IKZF4: variants seen among roughly 807,000 people sequenced by gnomAD.
IKZF4 encodes IKAROS family zinc finger 4.
Under a neutral mutation model 47.7 loss-of-function variants are expected in IKZF4, and 11 were observed. That is an observed-to-expected ratio of 0.23 (90% CI 0.15 to 0.38). The LOEUF is 0.38. Ranked by LOEUF, IKZF4 falls within the 10% of genes least tolerant of loss-of-function variation. IKZF4 has a pLI of 1.00. For missense variants in IKZF4, 557 were observed against 784.9 expected (o/e 0.71, Z 3.47); for synonymous variants, 298 against 299.4 (o/e 1.00, Z 0.05).
At chr12:56,026,733 G>A in intron 3 of IKZF4, 48 bp from the exon 4 acceptor site, 5 of 1,396,934 alleles carry the variant, frequency 3.6e-6, no homozygotes, top group Non-Finnish European at 4.7e-6. Context: ...CCTGGGAGCA[G>A]CTTCCCCCTT....
intron 1 of IKZF4, 107 bp downstream of exon 1, chr12:56,021,687 G>GGTGTGT (rs1893011022): frequency 2.0e-6 from 2 of 1,005,904 alleles, no homozygotes; most frequent in East Asian, 2.8e-5. Context: ...GAGGATGGGG[G>GGTGTGT]CTGTGTGTGT....
chr12:56,023,833 C>T, intron 2 of IKZF4, 69 bp downstream of exon 2: 2 of 1,560,990 alleles, frequency 1.3e-6, no homozygotes, highest in Non-Finnish European at 8.7e-7. Context: ...GAATTTTAGG[C>T]TTCCTCTCTC....
chr12:56,026,952 G>A lies in IKZF4; in HGVS notation c.458G>A (p.Arg153Gln), dbSNP rs1894120930. The A allele has an allele frequency of 2.5e-6, 4 of 1,611,548 alleles. No homozygotes were observed. Among genetic ancestry groups the A allele is most frequent in the Non-Finnish European group, 3.4e-6 (4 of 1,178,758 alleles). The change falls in exon 4 of 8, where the codon CGG becomes CAG. Residue 153 changes from arginine to glutamine, a missense_variant. Coordinates refer to ENST00000547167, the MANE Select transcript of IKZF4 (RefSeq NM_022465.4). The part of the protein sequence containing the change: ...GPEPHSPGGI[R>Q]LPNGKLKCDV... ...GAGCCTCACTCCCCTGGGGGCATCCGGCTGCCCAATGGCAAGCTCAAGTGT... is the reference window on the plus strand; with the variant it reads ...GAGCCTCACTCCCCTGGGGGCATCCAGCTGCCCAATGGCAAGCTCAAGTGT...
chr12:56,007,733 A>G (rs1444375009), exon 1 of IKZF4: 1 of 146,538 alleles, frequency 6.8e-6, no homozygotes, highest in African/African-American at 2.5e-5. Flanking sequence ...GAGACACCTC[A>G]GGTGAGTGAG....
chr12:56,021,504 C>T lies in IKZF4; in HGVS notation c.11C>T (p.Pro4Leu), dbSNP rs753270648. MHT[P>L]PALPRRFQGG... Reference sequence around the variant, plus strand: ...CACTGAGACGCAGACATGCATACACCACCCGCACTCCCTCGCCGTTTCCAA... The same window carrying T: ...CACTGAGACGCAGACATGCATACACTACCCGCACTCCCTCGCCGTTTCCAA... The change falls in exon 1 of 8, where the codon CCA becomes CTA. Residue 4 changes from proline to leucine, a missense_variant. Pro to Leu is a moderately conservative substitution (Grantham distance 98). This residue lies in a region of IKZF4 where 44 missense variants were observed against 39.7 expected (regional missense o/e 1.11). Coordinates refer to ENST00000547167, the MANE Select transcript of IKZF4 (RefSeq NM_022465.4). 9 of 1,603,840 alleles carry T rather than the reference C, an allele frequency of 5.6e-6. No homozygotes were observed. The highest frequency in any genetic ancestry group is 7.7e-6 in the Non-Finnish European group (9 of 1,176,100).
At chr12:56,009,938 G>A (rs900738987) in intron 1 of IKZF4, among the ~76,000 whole-genome samples, 2 of 152,124 alleles carry the variant, frequency 1.3e-5, no homozygotes, top group African/African-American at 4.8e-5. Flanking sequence ...CCCAGCATGG[G>A]AGAAACTTAT....
At chr12:56,026,109 T>C (rs1318119231) in intron 3 of IKZF4, among the ~76,000 whole-genome samples, 1 of 152,096 alleles carries the variant, frequency 6.6e-6, no homozygotes, top group Non-Finnish European at 1.5e-5. Flanking sequence ...CTAATTTTTG[T>C]ATTTTTAGTA....
chr12:56,025,011 C>T (rs1243601664), intron 2 of IKZF4, 43 bp from the exon 3 acceptor site: 1 of 1,554,138 alleles, frequency 6.4e-7, no homozygotes, highest in African/African-American at 1.4e-5. Context: ...CAGTAGATAT[C>T]TCCAGCTCCA....
rs527627081 is a variant in IKZF4, at chr12:56,010,371, C to G, written c.-291-1046C>G. On this transcript the variant is annotated intron_variant, in intron 1 of 11. Transcript: ENST00000262032. ...CTGGTCCAGCTGCGGGGAGGATCCA[C>G]ATTGTAGGCTCTGATGCAATACCTA... is the stretch of plus-strand genomic sequence containing the variant. 2.0e-5 allele frequency: 3 copies of G among 152,254 alleles called. No homozygotes were observed. The East Asian group carries it at 5.8e-4, about 29-fold the overall frequency. The allele number at this position is 152,254 out of a possible 1,614,324, so 9.4% of individuals were successfully genotyped here.
At chr12:56,031,502 C>T (rs1894913172) in intron 5 of IKZF4, among the ~76,000 whole-genome samples, 1 of 152,116 alleles carries the variant, frequency 6.6e-6, no homozygotes, top group Non-Finnish European at 1.5e-5. Flanking sequence ...TTCATTTCAT[C>T]CCTAAAATAC....
In IKZF4 at chr12:56,035,537, A is replaced by C; in HGVS notation, c.*206A>C. ...TTGTGATGAAACAGATCTTTTGCTT[A>C]TGTTTTTCCTTTTTATCTTCTCTCA... On this transcript the variant is annotated 3_prime_UTR_variant, in exon 8 of 8. Transcript: ENST00000547167. This position sits in a 1 kb window ranked among gnomAD's most constrained non-coding sequence, Gnocchi z 6.1. 2.1e-6 allele frequency: 1 copy of C among 483,152 alleles called. No homozygotes were observed. Among genetic ancestry groups the C allele is most frequent in the Non-Finnish European group, 3.6e-6 (1 of 276,956 alleles). 29.9% of individuals were successfully genotyped at this position (483,152 alleles called of 1,614,324 possible). A position where few individuals can be genotyped will look rare whatever the true frequency, so the allele number is the denominator to read the frequency against.
intron 1 of IKZF4, among the ~76,000 whole-genome samples, chr12:56,009,479 A>C (rs1044432886): frequency 1.3e-5 from 2 of 152,192 alleles, no homozygotes; most frequent in African/African-American, 2.4e-5. Context: ...GGAGGACTTC[A>C]GCTTTCCCTA....
In IKZF4 at chr12:56,032,588, A is replaced by C; in HGVS notation, c.743A>C (p.Tyr248Ser). The C allele has an allele frequency of 6.2e-7, 1 of 1,613,774 alleles. No homozygotes were observed. The highest frequency in any genetic ancestry group is 8.5e-7 in the Non-Finnish European group (1 of 1,179,786). The change falls in exon 6 of 8, where the codon TAC becomes TCC. Residue 248 changes from tyrosine (Y) to serine (S), a missense_variant. Tyr to Ser is a moderately radical substitution (Grantham distance 144). Coordinates refer to ENST00000547167, the MANE Select transcript of IKZF4 (RefSeq NM_022465.4). ...TCCTCTCCCACAGTGGGCAAGCCCTACAAGTGTAACTACTGTGGCCGGAGC... is the reference window on the plus strand; with the variant it reads ...TCCTCTCCCACAGTGGGCAAGCCCTCCAAGTGTAACTACTGTGGCCGGAGC... ...SVSSPTVGKP[Y>S]KCNYCGRSYK...
upstream of IKZF4, among the ~76,000 whole-genome samples, chr12:56,016,174 G>T (rs569203334): frequency 6.8e-6 from 1 of 147,122 alleles, no homozygotes. Flanking sequence ...GGGTGGGGGG[G>T]CAGGAAAACA....
At chr12:56,027,736 G>A (rs769676841) in intron 4 of IKZF4, 44 bp from the exon 5 acceptor site, 2 of 1,593,684 alleles carry the variant, frequency 1.3e-6, no homozygotes, top group Non-Finnish European at 1.7e-6. Flanking sequence ...AACCTTCAAA[G>A]TTCCTCACAT....
rs182992511 is a variant in IKZF4, at chr12:56,028,519, C to T, written c.715+572C>T. On this transcript the variant is annotated intron_variant, in intron 5 of 7. Coordinates refer to ENST00000547167, the MANE Select transcript of IKZF4 (RefSeq NM_022465.4). ...TTGCACTCTAGCCTGGGCGACTGAG[C>T]GACACTCAGTCTCAAAAAAAAAAAA... Among the ~76,000 whole-genome samples, 93 of 113,118 alleles carry T rather than the reference C, an allele frequency of 8.2e-4. 1 individual carries two copies. The highest frequency in any genetic ancestry group is 2.5e-3 in the African/African-American group (70 of 28,090). 74.2% of individuals were successfully genotyped at this position (113,118 alleles called of 152,430 possible). A position where few individuals can be genotyped will look rare whatever the true frequency, so the allele number is the denominator to read the frequency against.
chr12:56,011,507 C>T (rs1440962872), intron 2 of IKZF4: 3 of 152,164 alleles, frequency 2.0e-5, no homozygotes, highest in Admixed American at 1.3e-4. Flanking sequence ...GATATTTTCC[C>T]CCTGCCCAGG....
chr12:56,035,310 G>C lies in IKZF4; in HGVS notation c.1737G>C (p.Arg579=). 6.2e-7 allele frequency: 1 copy of C among 1,612,274 alleles called. No individual in the cohort carries two copies. Among genetic ancestry groups the C allele is most frequent in the Non-Finnish European group, 8.5e-7 (1 of 1,178,840 alleles). Residue 579 remains arginine (R), a synonymous_variant, in exon 8 of 8, where the codon CGG becomes CGC. Transcript: ENST00000547167. The surrounding 1 kb of genome is among the most constrained non-coding windows in gnomAD (Gnocchi z 6.1). ...DRYEFSSHIV[R]GEHKVG is the part of the protein sequence containing the mutation. ...ACGAATTCTCTTCCCACATTGTCCG[G>C]GGGGAGCATAAGGTGGGCTAGCAAC...
intron 5 of IKZF4, among the ~76,000 whole-genome samples, chr12:56,031,594 T>C (rs1013004013): frequency 3.3e-5 from 5 of 152,140 alleles, no homozygotes; most frequent in African/African-American, 9.7e-5. Context: ...TAGGGGTGAA[T>C]AGTAATTACC....
Sources: gnomAD v4.1 joint callset for allele counts (sites outside exome capture counted in the v4.1 genomes callset) on GRCh38, gnomAD v4.1.1 for gene constraint, gnomAD v4.1.1 regional missense constraint, Gnocchi (gnomAD v3.1) non-coding constraint, MANE v1.5 for transcripts, NCBI Gene and HGNC (gene_info 2026-07-23, HGNC 2026-07-21) for gene names.